SHISA6: variants seen among roughly 807,000 people sequenced by gnomAD.
SHISA6 encodes shisa family member 6.
SHISA6 carries 22 observed loss-of-function variants against 47.9 expected under a neutral mutation model. That is an observed-to-expected ratio of 0.46 (90% CI 0.33 to 0.66). The LOEUF (loss-of-function observed/expected upper bound fraction) is 0.66. Among genes scored for constraint, SHISA6 ranks in the 30% least tolerant of loss-of-function variants. The pLI is 0.02. For synonymous variants in SHISA6, 388 were observed against 337.8 expected, an observed-to-expected ratio of 1.15 and a Z score of -1.63; for missense variants, 680 against 764.6, an observed-to-expected ratio of 0.89 and a Z score of 1.30.
rs1268895540 is a variant in SHISA6, at chr17:11,379,371, G to T, written c.800-43G>T. On this transcript the variant is annotated intron_variant, in intron 2 of 5. Transcript: ENST00000441885. Reference sequence around the variant, plus strand: ...GCAGCTGCGCTTGTCTTCCATGTTGGTGTCGTGGATGCGCCAGGTAATTCT... The same window carrying T: ...GCAGCTGCGCTTGTCTTCCATGTTGTTGTCGTGGATGCGCCAGGTAATTCT... The T allele has an allele frequency of 2.2e-6, 3 of 1,373,654 alleles. No homozygotes were observed. In the African/African-American group the frequency reaches 4.4e-5, roughly 20 times the overall value. 85.1% of individuals were successfully genotyped at this position (1,373,654 alleles called of 1,614,324 possible).
chr17:11,538,058 G>C (rs1597576080), intron 3 of SHISA6, among the ~76,000 whole-genome samples: 1 of 152,116 alleles, frequency 6.6e-6, no homozygotes, highest in East Asian at 1.9e-4. Context: ...GTTTGTTGTT[G>C]TTGTTATTGT....
At chr17:11,257,975 T>C (rs1908080913) in intron 1 of SHISA6, among the ~76,000 whole-genome samples, 1 of 152,208 alleles carries the variant, frequency 6.6e-6, no homozygotes, top group Admixed American at 6.5e-5. Context: ...CTGATGGCCC[T>C]CTTGTGAAGA....
At chr17:11,410,651 T>A (rs1914089022) in intron 3 of SHISA6, among the ~76,000 whole-genome samples, 1 of 152,150 alleles carries the variant, frequency 6.6e-6, no homozygotes, top group Non-Finnish European at 1.5e-5. Context: ...ATCCCTTAGG[T>A]CCAGGACGCC....
At chr17:11,553,995 C>T (rs1394683330) in intron 4 of SHISA6, among the ~76,000 whole-genome samples, 1 of 152,134 alleles carries the variant, frequency 6.6e-6, no homozygotes, top group African/African-American at 2.4e-5. Flanking sequence ...CAAGGGAGAG[C>T]TGGCCTTGGC....
chr17:11,242,679 C>T (rs566479410), intron 1 of SHISA6, among the ~76,000 whole-genome samples: 264 of 152,254 alleles, frequency 1.7e-3, no homozygotes, highest in African/African-American at 4.7e-3. Flanking sequence ...CTAGAGGACT[C>T]GTTCTTTGAA....
chr17:11,492,303 CA>C (rs962548546), intron 3 of SHISA6, among the ~76,000 whole-genome samples: 1 of 152,122 alleles, frequency 6.6e-6, no homozygotes, highest in African/African-American at 2.4e-5. Context: ...TCAGTAGTTA[CA>C]ACAGCTTTAA....
intron 3 of SHISA6, among the ~76,000 whole-genome samples, chr17:11,402,281 A>T (rs2142265130): frequency 6.6e-6 from 1 of 152,336 alleles, no homozygotes; most frequent in Non-Finnish European, 1.5e-5. Context: ...AACCTGCCAT[A>T]GTCAGAGGCC....
chr17:11,323,691 A>C (rs1910784608), intron 2 of SHISA6, among the ~76,000 whole-genome samples: 1 of 150,908 alleles, frequency 6.6e-6, no homozygotes, highest in South Asian at 2.1e-4. Context: ...TAATAATAAT[A>C]ATAATAATAC....
intron 3 of SHISA6, among the ~76,000 whole-genome samples, chr17:11,390,219 G>A (rs1393058103): frequency 1.3e-5 from 2 of 152,192 alleles, no homozygotes; most frequent in African/African-American, 2.4e-5. Context: ...AGAGAGTCAT[G>A]GAGTCAGACA....
At chr17:11,287,957 A>C (rs537327356) in intron 2 of SHISA6, among the ~76,000 whole-genome samples, 12 of 152,290 alleles carry the variant, frequency 7.9e-5, no homozygotes, top group Non-Finnish European at 1.3e-4. Context: ...ATGAATCTCC[A>C]TGCCCCATCA....
intron 3 of SHISA6, among the ~76,000 whole-genome samples, chr17:11,545,007 T>G (rs1248152270): frequency 6.7e-6 from 1 of 148,968 alleles, no homozygotes; most frequent in African/African-American, 2.5e-5. Context: ...ACCATACAAC[T>G]CAGTAATTGC....
At chr17:11,509,040 C>T (rs760906232) in intron 3 of SHISA6, among the ~76,000 whole-genome samples, 9 of 152,154 alleles carry the variant, frequency 5.9e-5, no homozygotes, top group Non-Finnish European at 1.3e-4. Context: ...ATAAAATCCT[C>T]CCTGGAAGGT....
At chr17:11,249,295 T>C (rs1460309380) in intron 1 of SHISA6, among the ~76,000 whole-genome samples, 1 of 151,838 alleles carries the variant, frequency 6.6e-6, no homozygotes, top group African/African-American at 2.4e-5. Flanking sequence ...TGTGTGTGTG[T>C]GTGCGCGTGC....
At chr17:11,359,426 G>A (rs1912189456) in intron 2 of SHISA6, among the ~76,000 whole-genome samples, 1 of 152,200 alleles carries the variant, frequency 6.6e-6, no homozygotes, top group South Asian at 2.1e-4. Context: ...TGCAGAGTCA[G>A]CTGGGCCTTC....
At chr17:11,243,078 G>A (rs1359613265) in intron 1 of SHISA6, among the ~76,000 whole-genome samples, 1 of 151,746 alleles carries the variant, frequency 6.6e-6, no homozygotes, top group Non-Finnish European at 1.5e-5. Flanking sequence ...TGCATGGTGT[G>A]GGCACTGCCC....
At chr17:11,435,153 C>G (rs190868570) in intron 3 of SHISA6, among the ~76,000 whole-genome samples, 98 of 151,996 alleles carry the variant, frequency 6.4e-4, no homozygotes, top group African/African-American at 2.3e-3. Flanking sequence ...CTCTCTCTCT[C>G]TTTTTTAACC....
chr17:11,522,856 T>C (rs56369737), intron 3 of SHISA6, among the ~76,000 whole-genome samples: 3,699 of 152,346 alleles, frequency 0.024, 155 homozygotes, highest in African/African-American at 0.082. Flanking sequence ...TATTTTATAC[T>C]GACTTGCATG....
chr17:11,289,653 A>G (rs1393641290), intron 2 of SHISA6: 2 of 151,450 alleles, frequency 1.3e-5, no homozygotes, highest in Non-Finnish European at 2.9e-5. Flanking sequence ...CAACTTTTAG[A>G]CTTTCTTCTC....
At chr17:11,361,786 C>A (rs542410471) in intron 2 of SHISA6, among the ~76,000 whole-genome samples, 1 of 152,330 alleles carries the variant, frequency 6.6e-6, no homozygotes, top group South Asian at 2.1e-4. Flanking sequence ...ACTGTGCTCG[C>A]TGCAGGGTGG....
Sources: gnomAD v4.1 joint callset for allele counts (sites outside exome capture counted in the v4.1 genomes callset) on GRCh38, gnomAD v4.1.1 for gene constraint, MANE v1.5 for transcripts, NCBI Gene and HGNC (gene_info 2026-07-23, HGNC 2026-07-21) for gene names.